The following NID2 variants were observed in gnomAD, a reference collection of about 807,000 sequenced individuals.
The protein encoded by NID2 is nidogen 2, also known as nidogen-2.
In NID2, 83 loss-of-function variants were observed where a neutral mutation model predicts 145.4. That is an observed-to-expected ratio of 0.57 (90% CI 0.48 to 0.69). NID2 has a LOEUF of 0.69. Among genes scored for constraint, NID2 ranks in the 30% least tolerant of loss-of-function variants. NID2 has a pLI of 0.00. For synonymous variants in NID2, 739 were observed against 701.3 expected (o/e 1.05, Z -0.85); for missense variants, 1,807 against 1,765.7 (o/e 1.02, Z -0.42).
Position 52,042,907 on chromosome 14 carries a change from T to C in NID2, c.1454A>G (p.Lys485Arg), listed in dbSNP as rs1337083584. Residue 485 changes from lysine (K) to arginine (R), a missense_variant, in exon 6 of 22, where the codon AAG becomes AGG. Coordinates refer to ENST00000216286, the MANE Select transcript of NID2 (RefSeq NM_007361.4). The part of the protein sequence containing the change: ...TEVFTYNAAN[K>R]ETCEHNHRQC... The stretch of plus-strand genomic sequence containing the variant: ...TCTGTGGTTGTGTTCACAGGTTTCC[T>C]TGTTGGCAGCATTATACGTGAAGAC... The C allele has an allele frequency of 1.2e-6, 2 of 1,614,206 alleles. No homozygotes were observed. The highest frequency in any genetic ancestry group is 1.1e-5 in the South Asian group (1 of 91,082).
At chr14:52,063,682 C>A (rs1893092597) in intron 2 of NID2, among the ~76,000 whole-genome samples, 1 of 152,208 alleles carries the variant, frequency 6.6e-6, no homozygotes, top group Non-Finnish European at 1.5e-5. Flanking sequence ...TCACAAAGTT[C>A]TCTTTGTCAT....
At position 52,011,650 on chromosome 14, in the gene NID2, G is replaced by A. The variant is rs138581322; in HGVS notation, c.3454C>T (p.Arg1152Trp). 1.7e-4 allele frequency: 268 copies of A among 1,614,082 alleles called. 1 individual carries two copies. In the African/African-American group the frequency reaches 2.5e-3, roughly 15 times the overall value. Residue 1152 changes from arginine to tryptophan, a missense_variant, in exon 17 of 22, where the codon CGG becomes TGG. By Grantham distance (101) the Arg-to-Trp change is moderately radical (BLOSUM62 -3). Transcript: ENST00000216286. ...TCTGTCCAGTACACCATCCTCTCCC[G>A]GCAGTCGTAATCAATTCCCACGATT... ...SIIVGIDYDC[R>W]ERMVYWTDVA...
chr14:52,012,562 C>T (rs943979397), intron 16 of NID2, among the ~76,000 whole-genome samples: 12 of 149,220 alleles, frequency 8.0e-5, no homozygotes, highest in African/African-American at 3.0e-4. Flanking sequence ...GGTGCCACTG[C>T]ACTGCAGCCT....
At position 52,012,658 on chromosome 14, in the gene NID2, A is replaced by G. The variant is rs535659006; in HGVS notation, c.3421-975T>C. ...GGAACTAGGGAGTAGTGGTTATCCA[A>G]CCTCTGGCTAGTGAGGTCTCTCCTC... On this transcript the variant is annotated intron_variant, in intron 16 of 21. Transcript: ENST00000216286. 7.8e-4 allele frequency among the ~76,000 whole-genome samples: 118 copies of G among 151,692 alleles called. 2 individuals are homozygous for G. In the South Asian group the frequency reaches 9.3e-3, roughly 12 times the overall value.
At chr14:52,068,238 G>A in intron 1 of NID2, 75 bp from the exon 2 acceptor site, 1 of 1,425,558 alleles carries the variant, frequency 7.0e-7, no homozygotes, top group Non-Finnish European at 9.8e-7. Flanking sequence ...AGGGAGGGAA[G>A]GGAACTGACT....
At chr14:52,042,665 G>A in intron 6 of NID2, 117 bp downstream of exon 6, 1 of 1,054,380 alleles carries the variant, frequency 9.5e-7, no homozygotes, top group Non-Finnish European at 1.4e-6. Context: ...CAAGTTGATA[G>A]CACTCTGATT....
At chr14:52,060,378 A>G (rs71426497) in intron 2 of NID2, 22 bp from the exon 3 acceptor site, 55,498 of 805,190 alleles carry the variant, frequency 0.069, 1,266 homozygotes, top group Middle Eastern at 0.13. Flanking sequence ...AAAAAAAAAA[A>G]AGAGAGAGAG....
intron 5 of NID2, among the ~76,000 whole-genome samples, chr14:52,051,156 A>C (rs1892666100): frequency 6.6e-6 from 1 of 150,560 alleles, no homozygotes; most frequent in Non-Finnish European, 1.5e-5. Context: ...ATTTCTGAAC[A>C]AAAAGAAAGG....
chr14:52,065,506 A>G (rs1289077499), intron 2 of NID2, among the ~76,000 whole-genome samples: 1 of 77,666 alleles, frequency 1.3e-5, no homozygotes, highest in South Asian at 3.9e-4. Flanking sequence ...TTATTTATTT[A>G]TTTATTTTTT....
At chr14:52,006,441 A>G in intron 20 of NID2, 96 bp downstream of exon 20, 1 of 1,431,748 alleles carries the variant, frequency 7.0e-7, no homozygotes, top group South Asian at 1.3e-5. Flanking sequence ...AGAGGGCTTA[A>G]TGAGTCAAGT....
At chr14:52,042,383 G>A (rs1982963) in intron 6 of NID2, 33 bp from the exon 7 acceptor site, 1,232,366 of 1,578,302 alleles carry the variant, frequency 0.78, 482,810 homozygotes, top group South Asian at 0.88. Context: ...AGGCTTGGAC[G>A]TCATCCTGGC....
In NID2 at chr14:52,006,564, T is replaced by TCTGCATA; in HGVS notation, c.3970_3976dup (p.Asp1326ValfsTer20). On this transcript the variant is annotated frameshift_variant, in exon 20 of 22. Coordinates refer to ENST00000216286, the MANE Select transcript of NID2 (RefSeq NM_007361.4). LOFTEE classifies it high-confidence loss of function. Reference sequence around the variant, plus strand: ...CCTCCAGTCTGTGTGGTAGAAGTGATCTGCATAGCTTACGATGCTGAAGGG... The same window carrying TCTGCATA: ...CCTCCAGTCTGTGTGGTAGAAGTGATCTGCATACTGCATAGCTTACGATGCTGAAGGG... 1 of 1,613,816 alleles carries TCTGCATA rather than the reference T, an allele frequency of 6.2e-7. No homozygotes were observed. Among genetic ancestry groups the TCTGCATA allele is most frequent in the Non-Finnish European group, 8.5e-7 (1 of 1,179,750 alleles).
At chr14:52,026,082 T>G (rs1891577032) in intron 12 of NID2, among the ~76,000 whole-genome samples, 1 of 152,134 alleles carries the variant, frequency 6.6e-6, no homozygotes, top group Non-Finnish European at 1.5e-5. Context: ...CAGAGAGAAG[T>G]GGAGGGCTGA....
At chr14:52,029,725 G>A (rs1481862607) in intron 9 of NID2, 35 bp from the exon 10 acceptor site, 1 of 1,594,068 alleles carries the variant, frequency 6.3e-7, no homozygotes. Context: ...AGCACAATCT[G>A]GCTATTGGTA....
chr14:52,045,557 A>AT (rs368683938), intron 5 of NID2, among the ~76,000 whole-genome samples: 1 of 127,688 alleles, frequency 7.8e-6, no homozygotes, highest in Non-Finnish European at 1.6e-5. Flanking sequence ...AAGGCAGAAA[A>AT]AAAAAAAAAA....
chr14:52,048,286 A>G (rs1892574770), intron 5 of NID2, among the ~76,000 whole-genome samples: 2 of 152,210 alleles, frequency 1.3e-5, no homozygotes, highest in South Asian at 4.1e-4. Context: ...CACAGCAGCC[A>G]GATAGCCCTT....
intron 5 of NID2, 82 bp downstream of exon 5, chr14:52,053,497 A>T: frequency 6.9e-7 from 1 of 1,448,684 alleles, no homozygotes; most frequent in Non-Finnish European, 9.3e-7. Context: ...TCACCTACCC[A>T]CTTAAGAGAA....
Position 52,010,990 on chromosome 14 carries a change from G to A in NID2, c.3608C>T (p.Thr1203Met), listed in dbSNP as rs200641159. 18 of 1,614,042 alleles carry A rather than the reference G, an allele frequency of 1.1e-5. No individual in the cohort carries two copies. The highest frequency in any genetic ancestry group is 7.7e-5 in the South Asian group (7 of 91,088). The change falls in exon 18 of 22, where the codon ACG becomes ATG. Residue 1203 changes from threonine to methionine, a missense_variant. Physicochemically the swap from Thr to Met is moderately conservative, Grantham distance 81. Transcript: ENST00000216286. ...IDHIRRTMYW[T>M]DSVLDKIESA... ...CTCTATCTTATCCAGGACACTGTCC[G>A]TCCAGTACATTGTTCTGCGGATGTG...
At chr14:52,048,799 G>A (rs7359137) in intron 5 of NID2, among the ~76,000 whole-genome samples, 78,084 of 151,634 alleles carry the variant, frequency 0.51, 20,427 homozygotes, top group South Asian at 0.6. Flanking sequence ...TCGGGAGAAG[G>A]AGACATTTGG....
Sources: gnomAD v4.1 joint callset for allele counts (sites outside exome capture counted in the v4.1 genomes callset) on GRCh38, gnomAD v4.1.1 for gene constraint, MANE v1.5 for transcripts, NCBI Gene and HGNC (gene_info 2026-07-23, HGNC 2026-07-21) for gene names.